IFIH1: variants seen among roughly 807,000 people sequenced by gnomAD.
IFIH1 encodes interferon induced with helicase C domain 1.
IFIH1 carries 125 observed loss-of-function variants against 107.4 expected under a neutral mutation model. The ratio of observed to expected loss-of-function variants is 1.16; its 90% CI spans 1.01 to 1.35. The LOEUF (loss-of-function observed/expected upper bound fraction) is 1.35, where lower values mean the gene tolerates loss of function less well. IFIH1 is among the 40% of genes most tolerant of loss of function. The pLI is 0.00. For missense variants in IFIH1, 1,333 were observed against 1,213.7 expected (o/e 1.10, Z -1.46); for synonymous variants, 458 against 413.2 (o/e 1.11, Z -1.31).
chr2:162,280,180 T>C (rs1558867054), intron 7 of IFIH1, 68 bp from the exon 8 acceptor site: 2 of 834,856 alleles, frequency 2.4e-6, no homozygotes, highest in South Asian at 1.5e-5. Context: ...AACGTAGAAC[T>C]CTTTTTCATG....
intron 1 of IFIH1, among the ~76,000 whole-genome samples, chr2:162,313,018 A>T (rs1683406642): frequency 6.6e-6 from 1 of 152,178 alleles, no homozygotes; most frequent in African/African-American, 2.4e-5. Context: ...ATATTTTTCA[A>T]GCTTTCTTTG....
At chr2:162,317,018 T>G (rs1034150137) in intron 1 of IFIH1, among the ~76,000 whole-genome samples, 7 of 112,374 alleles carry the variant, frequency 6.2e-5, no homozygotes, top group African/African-American at 2.6e-4. Flanking sequence ...AGAAAAAGGG[T>G]GTGTGTGTGT....
chr2:162,273,790 T>C lies in IFIH1; in HGVS notation c.2454+5A>G, dbSNP rs757149831. Reference sequence around the variant, plus strand: ...AACATAGTAAGTAGAGGTATTTGAATGTACCTGGACCATGGCTATTTCATT... The same window carrying C: ...AACATAGTAAGTAGAGGTATTTGAACGTACCTGGACCATGGCTATTTCATT... On this transcript the variant is annotated splice_donor_5th_base_variant and intron_variant, in intron 12 of 15. Coordinates refer to ENST00000649979, the MANE Select transcript of IFIH1 (RefSeq NM_022168.4). 7.8e-6 allele frequency: 12 copies of C among 1,539,596 alleles called. No individual in the cohort carries two copies. Among genetic ancestry groups the C allele is most frequent in the East Asian group, 2.4e-5 (1 of 42,344 alleles).
intron 3 of IFIH1, among the ~76,000 whole-genome samples, chr2:162,297,912 A>G (rs951765095): frequency 1.3e-5 from 2 of 152,142 alleles, no homozygotes; most frequent in African/African-American, 4.8e-5. Flanking sequence ...TTGCAATCAC[A>G]TCTTGAGTAT....
intron 8 of IFIH1, among the ~76,000 whole-genome samples, chr2:162,279,220 G>A (rs1558866736): frequency 6.6e-6 from 1 of 152,102 alleles, no homozygotes; most frequent in East Asian, 1.9e-4. Context: ...GTAGATAGCA[G>A]TCTTTTTCAG....
chr2:162,280,155 C>A, intron 7 of IFIH1, 43 bp from the exon 8 acceptor site: 1 of 1,057,000 alleles, frequency 9.5e-7, no homozygotes, highest in East Asian at 2.4e-5. Flanking sequence ...ATTATTTTTC[C>A]CTTTCACTTT....
At chr2:162,316,026 A>C (rs979491906) in intron 1 of IFIH1, among the ~76,000 whole-genome samples, 2 of 152,198 alleles carry the variant, frequency 1.3e-5, no homozygotes, top group African/African-American at 4.8e-5. Context: ...CCGTTACTCT[A>C]TATCTTCTTT....
At chr2:162,283,845 A>G (rs1185904569) in intron 5 of IFIH1, among the ~76,000 whole-genome samples, 2 of 151,904 alleles carry the variant, frequency 1.3e-5, no homozygotes, top group East Asian at 3.9e-4. Context: ...GGTGGGGAAG[A>G]GTTAAAATGA....
intron 5 of IFIH1, among the ~76,000 whole-genome samples, chr2:162,287,407 A>G (rs1682913514): frequency 6.6e-6 from 1 of 151,916 alleles, no homozygotes; most frequent in Non-Finnish European, 1.5e-5. Context: ...TTATAAATTA[A>G]TAAACTGTCA....
At position 162,310,884 on chromosome 2, in the gene IFIH1, A is replaced by G. The variant is rs752635207; in HGVS notation, c.503T>C (p.Leu168Pro). 6.2e-7 allele frequency: 1 copy of G among 1,613,600 alleles called. No individual in the cohort carries two copies. The highest frequency in any genetic ancestry group is 8.5e-7 in the Non-Finnish European group (1 of 1,179,638). Residue 168 changes from leucine (L) to proline (P), a missense_variant, in exon 2 of 16, where the codon CTA becomes CCA. Physicochemically the swap from Leu to Pro is moderately conservative, Grantham distance 98. Transcript: ENST00000649979. ...NGNESGVREL[L>P]KRIVQKENWF... ...GTTTTCTTTCTGCACAATCCTTTTT[A>G]GTAGCTCTCTTACACCTGATTCATT... is the stretch of plus-strand genomic sequence containing the variant.
intron 1 of IFIH1, among the ~76,000 whole-genome samples, chr2:162,313,303 G>A (rs931757987): frequency 6.6e-6 from 1 of 152,144 alleles, no homozygotes; most frequent in African/African-American, 2.4e-5. Context: ...CGTGGGAGGT[G>A]AATATTTACA....
At chr2:162,301,912 TG>T (rs1169249085) in intron 3 of IFIH1, among the ~76,000 whole-genome samples, 2 of 152,216 alleles carry the variant, frequency 1.3e-5, no homozygotes, top group African/African-American at 4.8e-5. Flanking sequence ...GTTCAAATTT[TG>T]TTTAGAAATT....
At chr2:162,283,373 G>A (rs1426926542) in intron 5 of IFIH1, among the ~76,000 whole-genome samples, 1 of 151,970 alleles carries the variant, frequency 6.6e-6, no homozygotes, top group Non-Finnish European at 1.5e-5. Flanking sequence ...AGCTGATTCT[G>A]TATGTTATAA....
chr2:162,311,489 A>T (rs2032779519), intron 1 of IFIH1, among the ~76,000 whole-genome samples: 2 of 151,946 alleles, frequency 1.3e-5, no homozygotes, highest in Admixed American at 1.3e-4. Context: ...TACTATAATC[A>T]ATTTTTCTCA....
chr2:162,281,337 G>A lies in IFIH1; in HGVS notation c.1515C>T (p.His505=), dbSNP rs147738489. The change falls in exon 7 of 16, where the codon CAC becomes CAT. Residue 505 remains histidine, a synonymous_variant. Transcript: ENST00000649979. ...GATKQAKAEE[H]ILKLCANLDA... ...TAAAATTATGACTTACTTTTAAAATGTGTTCTTCAGCTTTGGCTTGCTTCG... is the reference window on the plus strand; with the variant it reads ...TAAAATTATGACTTACTTTTAAAATATGTTCTTCAGCTTTGGCTTGCTTCG... 36 of 1,611,164 alleles carry A rather than the reference G, an allele frequency of 2.2e-5. No individual in the cohort carries two copies. Among genetic ancestry groups the A allele is most frequent in the Non-Finnish European group, 2.9e-5 (34 of 1,178,258 alleles).
At chr2:162,273,154 A>G (rs1350060158) in intron 12 of IFIH1, among the ~76,000 whole-genome samples, 2 of 152,208 alleles carry the variant, frequency 1.3e-5, no homozygotes, top group Non-Finnish European at 2.9e-5. Flanking sequence ...AGTTAATTTT[A>G]TAGGAAGAAT....
chr2:162,272,883 T>C (rs1691072818), intron 12 of IFIH1, among the ~76,000 whole-genome samples: 1 of 152,176 alleles, frequency 6.6e-6, no homozygotes, highest in Non-Finnish European at 1.5e-5. Flanking sequence ...GATAACTTTC[T>C]ACAAGCCTCT....
chr2:162,267,378 G>A lies in IFIH1; in HGVS notation c.2900C>T (p.Ala967Val). The A allele has an allele frequency of 6.2e-7, 1 of 1,613,840 alleles. No individual in the cohort carries two copies. The highest frequency in any genetic ancestry group is 2.2e-5 in the East Asian group (1 of 44,876). Residue 967 changes from alanine to valine, a missense_variant and splice_region_variant, in exon 16 of 16, where the codon GCT becomes GTT. Physicochemically the swap from Ala to Val is moderately conservative, Grantham distance 64 (BLOSUM62 0). Transcript: ENST00000649979. ...NGEIICKCGQAWGTMMVHKGL... is the reference protein window; with the variant it reads ...NGEIICKCGQVWGTMMVHKGL... ...TTTGTGCACCATCATTGTTCCCCAA[G>A]CCTGGAAAACAAAAGAGAGAGCAAG...
intron 5 of IFIH1, among the ~76,000 whole-genome samples, chr2:162,286,560 G>A (rs2105207061): frequency 6.6e-6 from 1 of 152,066 alleles, no homozygotes; most frequent in East Asian, 1.9e-4. Context: ...ACTCCTAGGT[G>A]TGGGGGCTGC....
Sources: gnomAD v4.1 joint callset for allele counts (sites outside exome capture counted in the v4.1 genomes callset) on GRCh38, gnomAD v4.1.1 for gene constraint, MANE v1.5 for transcripts, NCBI Gene and HGNC (gene_info 2026-07-23, HGNC 2026-07-21) for gene names.